C8A: variants seen among roughly 807,000 people sequenced by gnomAD.
C8A encodes the protein complement component C8 alpha chain.
Under a neutral mutation model 65.3 loss-of-function variants are expected in C8A, and 67 were observed. The ratio of observed to expected loss-of-function variants is 1.03; its 90% CI spans 0.84 to 1.26. C8A has a LOEUF of 1.26. Among genes scored for constraint, C8A ranks in the 50% most tolerant of loss-of-function variants. C8A has a pLI of 0.00. For missense variants in C8A, 781 were observed against 723.9 expected (o/e 1.08, Z -0.90); for synonymous variants, 290 against 259.4 (o/e 1.12, Z -1.13).
chr1:56,866,178 C>G (rs979717456), intron 1 of C8A, among the ~76,000 whole-genome samples: 1 of 152,096 alleles, frequency 6.6e-6, no homozygotes, highest in African/African-American at 2.4e-5. Flanking sequence ...AGATTTCAAC[C>G]AAATCAATAT....
At chr1:56,907,514 C>T (rs1239541369) in intron 8 of C8A, among the ~76,000 whole-genome samples, 2 of 152,184 alleles carry the variant, frequency 1.3e-5, no homozygotes, top group African/African-American at 4.8e-5. Context: ...TGACTGCCTC[C>T]CACACCCCCT....
intron 2 of C8A, 47 bp from the exon 3 acceptor site, chr1:56,874,902 T>C: frequency 1.2e-6 from 2 of 1,610,146 alleles, no homozygotes; most frequent in Non-Finnish European, 1.7e-6. Flanking sequence ...CTTGGTTGAT[T>C]GATTGATTGG....
chr1:56,898,612 A>G (rs911003559), intron 7 of C8A, among the ~76,000 whole-genome samples: 1 of 151,986 alleles, frequency 6.6e-6, no homozygotes, highest in Non-Finnish European at 1.5e-5. Flanking sequence ...CTGTCTCCTC[A>G]GTTCTGGGTT....
intron 7 of C8A, among the ~76,000 whole-genome samples, chr1:56,892,333 C>G (rs150114202): frequency 6.6e-6 from 1 of 152,246 alleles, no homozygotes; most frequent in East Asian, 1.9e-4. Flanking sequence ...TACCAAGACT[C>G]CTCACCTAAG....
intron 2 of C8A, among the ~76,000 whole-genome samples, chr1:56,871,486 T>C (rs1223435621): frequency 6.6e-6 from 1 of 152,184 alleles, no homozygotes; most frequent in Non-Finnish European, 1.5e-5. Flanking sequence ...CCAGGCAAAT[T>C]GATGATTTCT....
At chr1:56,901,779 G>A (rs1225068696) in intron 7 of C8A, among the ~76,000 whole-genome samples, 2 of 152,082 alleles carry the variant, frequency 1.3e-5, no homozygotes, top group South Asian at 4.2e-4. Flanking sequence ...ATCCCTACTT[G>A]TTCTACTTGT....
rs764003674 is a variant in C8A, at chr1:56,917,590, T to C, written c.1629T>C (p.Ser543=). The change falls in exon 11 of 11, where the codon AGT becomes AGC. Residue 543 remains serine (S), a synonymous_variant. Transcript: ENST00000361249. ...GAGCCAAAGCAGATGGGAGCTGGAG[T>C]TGCTGGAGCTCCTGGTCTGTATGCA... is the stretch of plus-strand genomic sequence containing the variant. ...TEGAKADGSW[S]CWSSWSVCRA... is the part of the protein sequence containing the mutation. 120 of 1,613,902 alleles carry C rather than the reference T, an allele frequency of 7.4e-5. No homozygotes were observed. Among genetic ancestry groups the C allele is most frequent in the Non-Finnish European group, 8.6e-5 (102 of 1,180,006 alleles).
At chr1:56,862,072 C>T (rs1644039673) in intron 1 of C8A, among the ~76,000 whole-genome samples, 1 of 152,144 alleles carries the variant, frequency 6.6e-6, no homozygotes, top group Admixed American at 6.6e-5. Flanking sequence ...TATCCGAGTA[C>T]ATTCAATATA....
intron 5 of C8A, 21 bp downstream of exon 5, chr1:56,881,655 T>G: frequency 2.5e-6 from 4 of 1,608,770 alleles, no homozygotes; most frequent in Non-Finnish European, 3.4e-6. Flanking sequence ...ACAGAGGGGC[T>G]CTGAGGCCAC....
chr1:56,917,438 G>C, intron 10 of C8A, 127 bp from the exon 11 acceptor site: 1 of 898,686 alleles, frequency 1.1e-6, no homozygotes, highest in Admixed American at 1.9e-5. Context: ...AGCTGCAGTC[G>C]ACCAGAGGAG....
intron 10 of C8A, among the ~76,000 whole-genome samples, chr1:56,915,614 C>T (rs915638848): frequency 6.6e-6 from 1 of 152,252 alleles, no homozygotes; most frequent in East Asian, 1.9e-4. Flanking sequence ...TAGTAACAGC[C>T]GTTAGAGCTG....
At chr1:56,915,662 T>C (rs1557718107) in intron 10 of C8A, among the ~76,000 whole-genome samples, 1 of 152,202 alleles carries the variant, frequency 6.6e-6, no homozygotes, top group Non-Finnish European at 1.5e-5. Flanking sequence ...AAGAACCTTA[T>C]GACATAAATG....
At chr1:56,890,308 C>T (rs146309755) in intron 7 of C8A, among the ~76,000 whole-genome samples, 3 of 152,258 alleles carry the variant, frequency 2.0e-5, no homozygotes, top group African/African-American at 2.4e-5. Flanking sequence ...TATTGCTCCA[C>T]CCCTTCTCCC....
intron 4 of C8A, among the ~76,000 whole-genome samples, chr1:56,877,231 T>C (rs1644206868): frequency 6.6e-6 from 1 of 152,160 alleles, no homozygotes; most frequent in Non-Finnish European, 1.5e-5. Flanking sequence ...AATAAACTTC[T>C]GTTGTGTAGG....
At chr1:56,857,578 C>T (rs886208784) in intron 1 of C8A, among the ~76,000 whole-genome samples, 3 of 151,938 alleles carry the variant, frequency 2.0e-5, no homozygotes, top group African/African-American at 7.2e-5. Context: ...TTTAGCTAGT[C>T]TAACAATCTC....
chr1:56,864,159 C>A (rs753382369), intron 1 of C8A, among the ~76,000 whole-genome samples: 6 of 152,048 alleles, frequency 3.9e-5, no homozygotes, highest in Non-Finnish European at 5.9e-5. Context: ...TTCAACCAGT[C>A]TGGATATCAG....
intron 8 of C8A, 96 bp downstream of exon 8, chr1:56,906,888 G>T: frequency 6.8e-7 from 1 of 1,469,894 alleles, no homozygotes; most frequent in Non-Finnish European, 9.5e-7. Flanking sequence ...CCAGTTGATT[G>T]CATTTTAGTC....
At chr1:56,855,195 C>T (rs1253855664) in intron 1 of C8A, among the ~76,000 whole-genome samples, 1 of 152,188 alleles carries the variant, frequency 6.6e-6, no homozygotes, top group African/African-American at 2.4e-5. Flanking sequence ...TGCTTAGAAG[C>T]TGAATAATTC....
chr1:56,871,339 C>G lies in C8A; in HGVS notation c.172-3610C>G, dbSNP rs1644145703. ...TTCCGCGGCTGACCGCTCCACACTA[C>G]TGCCTCCCGCTGAACCATCCAGGAG... On this transcript the variant is annotated intron_variant, in intron 2 of 10. Coordinates refer to ENST00000361249, the MANE Select transcript of C8A (RefSeq NM_000562.3). Among the ~76,000 whole-genome samples, 4 of 152,352 alleles carry G rather than the reference C, an allele frequency of 2.6e-5. No individual in the cohort carries two copies. In the South Asian group the frequency reaches 8.3e-4, roughly 32 times the overall value.
Sources: allele counts gnomAD v4.1 joint callset (sites outside exome capture counted in the v4.1 genomes callset), GRCh38; gene constraint gnomAD v4.1.1; transcripts MANE v1.5; gene names NCBI Gene and HGNC (gene_info 2026-07-23, HGNC 2026-07-21).